The following MAST4 variants were observed in gnomAD, a reference collection of about 807,000 sequenced individuals.
MAST4 encodes the protein microtubule-associated serine/threonine-protein kinase 4.
A neutral mutation model predicts 162.7 loss-of-function variants in MAST4; 89 were observed. The ratio of observed to expected loss-of-function variants is 0.55; its 90% CI spans 0.46 to 0.65. The LOEUF is 0.65. Ranked by LOEUF, MAST4 falls within the 30% of genes least tolerant of loss-of-function variation. The pLI, the probability that MAST4 is intolerant of heterozygous loss-of-function variation, is 0.00. For synonymous variants in MAST4, 1,479 were observed against 1,361.1 expected (o/e 1.09, Z -1.91); for missense variants, 3,153 against 3,374.0 (o/e 0.93, Z 1.62).
At chr5:66,734,707 A>G (rs1752059110) in intron 1 of MAST4, among the ~76,000 whole-genome samples, 2 of 152,242 alleles carry the variant, frequency 1.3e-5, no homozygotes, top group Admixed American at 1.3e-4. Flanking sequence ...CTCTGAAAAC[A>G]GGCTAGTGCA....
chr5:66,768,987 T>G (rs181569596), intron 2 of MAST4, among the ~76,000 whole-genome samples: 323 of 152,162 alleles, frequency 2.1e-3, no homozygotes, highest in African/African-American at 7.3e-3. Flanking sequence ...TTGGGAGGGT[T>G]ATATGGGAAT....
chr5:67,081,557 G>A (rs1260444003), intron 5 of MAST4, among the ~76,000 whole-genome samples: 1 of 152,058 alleles, frequency 6.6e-6, no homozygotes, highest in East Asian at 1.9e-4. Flanking sequence ...CTTAGAACAT[G>A]ATTTACAGTA....
chr5:67,105,286 G>T (rs1036938907), intron 10 of MAST4, among the ~76,000 whole-genome samples: 2 of 152,120 alleles, frequency 1.3e-5, no homozygotes, highest in African/African-American at 4.8e-5. Context: ...ATCTCACAGG[G>T]CACAAATTAT....
chr5:66,796,087 T>G (rs1179367804), intron 3 of MAST4, among the ~76,000 whole-genome samples: 4 of 152,222 alleles, frequency 2.6e-5, no homozygotes, highest in Non-Finnish European at 4.4e-5. Context: ...AATCTCATTA[T>G]AGGCTCACCT....
chr5:66,855,354 C>T (rs1203986780), intron 3 of MAST4, among the ~76,000 whole-genome samples: 1 of 152,204 alleles, frequency 6.6e-6, no homozygotes, highest in African/African-American at 2.4e-5. Context: ...AGAAGCTGAG[C>T]AGATGCCAGC....
chr5:66,834,744 A>G (rs1279053081), intron 3 of MAST4, among the ~76,000 whole-genome samples: 1 of 152,188 alleles, frequency 6.6e-6, no homozygotes, highest in Non-Finnish European at 1.5e-5. Flanking sequence ...TGTGTGAGAT[A>G]ACATAGACTG....
intron 4 of MAST4, among the ~76,000 whole-genome samples, chr5:66,992,793 C>T (rs148473408): frequency 2.6e-5 from 4 of 152,240 alleles, no homozygotes; most frequent in East Asian, 1.9e-4. Context: ...CTCCTAAGTG[C>T]GACGGAAGGT....
At chr5:66,780,306 G>A (rs191554802) in intron 2 of MAST4, among the ~76,000 whole-genome samples, 142 of 151,774 alleles carry the variant, frequency 9.4e-4, no homozygotes, top group African/African-American at 3.4e-3. Flanking sequence ...TCACATAAAT[G>A]GAATCATACT....
intron 1 of MAST4, among the ~76,000 whole-genome samples, chr5:66,625,201 T>G (rs4077941): frequency 0.033 from 5,085 of 152,238 alleles, 268 homozygotes; most frequent in African/African-American, 0.11. Flanking sequence ...CCAGCAAGAT[T>G]ATATTGCATA....
chr5:66,955,252 G>C (rs1745170326), intron 4 of MAST4, among the ~76,000 whole-genome samples: 2 of 151,690 alleles, frequency 1.3e-5, no homozygotes, highest in African/African-American at 4.8e-5. Flanking sequence ...AGGGAGCCTT[G>C]TGTTTTCAAA....
chr5:66,899,492 A>G (rs1292266749), intron 3 of MAST4, among the ~76,000 whole-genome samples: 1 of 152,222 alleles, frequency 6.6e-6, no homozygotes, highest in Non-Finnish European at 1.5e-5. Context: ...TTTGGTATGC[A>G]TAATGTTTGC....
At chr5:67,081,271 C>T (rs981508316) in intron 5 of MAST4, among the ~76,000 whole-genome samples, 2 of 150,362 alleles carry the variant, frequency 1.3e-5, no homozygotes, top group African/African-American at 4.9e-5. Context: ...AGGTTATGTA[C>T]GTGCTTAACC....
chr5:67,071,612 T>G (rs1269745083), intron 5 of MAST4, among the ~76,000 whole-genome samples: 1 of 152,090 alleles, frequency 6.6e-6, no homozygotes, highest in African/African-American at 2.4e-5. Context: ...ATACAAAAAT[T>G]AGCCGGGCAT....
chr5:66,839,523 C>T (rs1433639609), intron 3 of MAST4, among the ~76,000 whole-genome samples: 2 of 152,000 alleles, frequency 1.3e-5, no homozygotes, highest in Non-Finnish European at 2.9e-5. Context: ...ACATGGTGCA[C>T]AAAGTAGTTC....
chr5:66,596,934 T>G lies in MAST4; in HGVS notation c.279T>G (p.Leu93=). 1 of 1,353,460 alleles carries G rather than the reference T, an allele frequency of 7.4e-7. No homozygotes were observed. The highest frequency in any genetic ancestry group is 9.5e-7 in the Non-Finnish European group (1 of 1,050,602). The allele number at this position is 1,353,460 out of a possible 1,614,324, so 83.8% of individuals were successfully genotyped here. The change falls in exon 1 of 29, where the codon CTT becomes CTG. Residue 93 remains leucine, a synonymous_variant. Coordinates refer to ENST00000403625, the MANE Select transcript of MAST4 (RefSeq NM_001164664.2). Reference sequence around the variant, plus strand: ...GCGTGCTGCTGGAGCGCGGAGTCCTTGCGCTGCCGCCGCCGCTTCCCGGAG... The same window carrying G: ...GCGTGCTGCTGGAGCGCGGAGTCCTGGCGCTGCCGCCGCCGCTTCCCGGAG... ...PASVLLERGV[L]ALPPPLPGGA... is the part of the protein sequence containing the mutation.
In MAST4 at chr5:66,659,581, A is replaced by T. The variant is rs539749319; in HGVS notation, c.363+62563A>T. ...TTAAAGTCAGTTTAGGTTTTTGTAGATCCTATAAGTCATAACTTAAATTCT... is the reference window on the plus strand; with the variant it reads ...TTAAAGTCAGTTTAGGTTTTTGTAGTTCCTATAAGTCATAACTTAAATTCT... On this transcript the variant is annotated intron_variant, in intron 1 of 28. Coordinates refer to ENST00000403625, the MANE Select transcript of MAST4 (RefSeq NM_001164664.2). Among the ~76,000 whole-genome samples, 524 of 152,286 alleles carry T rather than the reference A, an allele frequency of 3.4e-3. 3 individuals carry two copies. The highest frequency in any genetic ancestry group is 0.012 in the African/African-American group (492 of 41,554).
intron 4 of MAST4, among the ~76,000 whole-genome samples, chr5:67,002,223 C>T (rs1273453969): frequency 6.6e-6 from 1 of 152,122 alleles, no homozygotes; most frequent in African/African-American, 2.4e-5. Context: ...AAATAAGTCA[C>T]TAAGAGAAAG....
chr5:67,123,571 A>G (rs1436604412), intron 14 of MAST4, among the ~76,000 whole-genome samples: 2 of 152,160 alleles, frequency 1.3e-5, no homozygotes, highest in East Asian at 3.9e-4. Flanking sequence ...AGTCACGGAT[A>G]CCCTGATTCT....
intron 4 of MAST4, among the ~76,000 whole-genome samples, chr5:67,045,080 T>C (rs1757208440): frequency 6.6e-6 from 1 of 152,230 alleles, no homozygotes; most frequent in African/African-American, 2.4e-5. Context: ...ATGTTTGTCC[T>C]CCAAGGTAAA....
Sources: allele counts gnomAD v4.1 joint callset (sites outside exome capture counted in the v4.1 genomes callset), GRCh38; gene constraint gnomAD v4.1.1; transcripts MANE v1.5; gene names NCBI Gene and HGNC (gene_info 2026-07-23, HGNC 2026-07-21).